The following NBPF11 variants were observed in gnomAD, a reference collection of about 807,000 sequenced individuals.
The protein encoded by NBPF11 is NBPF member 11.
In NBPF11, 72 loss-of-function variants were observed where a neutral mutation model predicts 93.9. The ratio of observed to expected loss-of-function variants is 0.77; its 90% CI spans 0.63 to 0.93. The LOEUF (loss-of-function observed/expected upper bound fraction) is 0.93. Among genes scored for constraint, NBPF11 ranks in the 40% least tolerant of loss-of-function variants. The pLI is 0.00. For missense variants in NBPF11, 705 were observed against 802.2 expected (o/e 0.88, Z 1.46); for synonymous variants, 224 against 304.9 (o/e 0.73, Z 2.76).
chr1:148,102,265 G>A lies in NBPF11; in HGVS notation c.*1631C>T, dbSNP rs1222105872. ...ACAGCAGACACTAGTAAAAACAAAGGCACAGTAAAAATTGAGACCCAAAAT... is the reference window on the plus strand; with the variant it reads ...ACAGCAGACACTAGTAAAAACAAAGACACAGTAAAAATTGAGACCCAAAAT... On this transcript the variant is annotated 3_prime_UTR_variant, in exon 24 of 24. Coordinates refer to ENST00000682118, the MANE Select transcript of NBPF11 (RefSeq NM_001385469.3). 1.3e-5 allele frequency: 2 copies of A among 151,836 alleles called. No homozygotes were observed. Among genetic ancestry groups the A allele is most frequent in the Non-Finnish European group, 2.9e-5 (2 of 68,032 alleles). 9.4% of individuals were successfully genotyped at this position (151,836 alleles called of 1,614,324 possible).
intron 17 of NBPF11, among the ~76,000 whole-genome samples, chr1:148,108,874 C>T (rs1553267988): frequency 1.3e-5 from 2 of 149,226 alleles, no homozygotes; most frequent in African/African-American, 4.9e-5. Context: ...CACACACACA[C>T]ACACACACAC....
At chr1:148,107,172 C>G (rs2149173136) in intron 19 of NBPF11, 58 bp from the exon 20 acceptor site, 2 of 569,728 alleles carry the variant, frequency 3.5e-6, no homozygotes, top group Admixed American at 3.3e-5. Context: ...CCACACAGCC[C>G]CAGCTAGATT....
In NBPF11 at chr1:148,103,449, T is replaced by A; in HGVS notation, c.*447A>T. ...TGTCCGACTGATCACTCCCGGCATG[T>A]GCTGCACAGTTATGTGAACGTGTCA... On this transcript the variant is annotated 3_prime_UTR_variant, in exon 24 of 24. Coordinates refer to ENST00000682118, the MANE Select transcript of NBPF11 (RefSeq NM_001385469.3). 1.4e-6 allele frequency: 1 copy of A among 712,674 alleles called. No homozygotes were observed. The highest frequency in any genetic ancestry group is 2.3e-6 in the Non-Finnish European group (1 of 443,954). The allele number at this position is 712,674 out of a possible 1,614,324, so 44.1% of individuals were successfully genotyped here.
chr1:148,143,929 G>A (rs200303778), intron 1 of NBPF11, among the ~76,000 whole-genome samples: 17,580 of 144,330 alleles, frequency 0.12, 985 homozygotes, highest in East Asian at 0.24. Context: ...GCATGGTGGC[G>A]CACACTTGCA....
At position 148,116,123 on chromosome 1, in the gene NBPF11, C is replaced by A. The variant is rs1329111226; in HGVS notation, c.1380-125G>T. 2.7e-5 allele frequency: 27 copies of A among 998,400 alleles called. No individual in the cohort carries two copies. In the East Asian group the frequency reaches 5.6e-4, roughly 21 times the overall value. 61.8% of individuals were successfully genotyped at this position (998,400 alleles called of 1,614,324 possible). A position where few individuals can be genotyped will look rare whatever the true frequency, so the allele number is the denominator to read the frequency against. On this transcript the variant is annotated intron_variant, in intron 13 of 23. Coordinates refer to ENST00000682118, the MANE Select transcript of NBPF11 (RefSeq NM_001385469.3). ...GGTCCCAGAAAGCAAAATGGACGTT[C>A]CCATTAAGAGGGAACATGCAATCCT...
chr1:148,132,193 C>T (rs1479481939), intron 4 of NBPF11, among the ~76,000 whole-genome samples: 16 of 143,426 alleles, frequency 1.1e-4, no homozygotes, highest in East Asian at 4.1e-4. Flanking sequence ...ATCTTCAAAA[C>T]GGTGAATATA....
At chr1:148,130,632 T>C (rs1416659016) in intron 4 of NBPF11, among the ~76,000 whole-genome samples, 2 of 150,518 alleles carry the variant, frequency 1.3e-5, no homozygotes, top group African/African-American at 2.5e-5. Context: ...ATTAAGATGA[T>C]GAAATCAACT....
chr1:148,151,054 G>A (rs1422552357), intron 1 of NBPF11, among the ~76,000 whole-genome samples: 3 of 151,784 alleles, frequency 2.0e-5, no homozygotes, highest in Admixed American at 6.6e-5. Flanking sequence ...ACCATTCCTC[G>A]CTTGGTTAAC....
chr1:148,108,315 G>A (rs61811999), intron 18 of NBPF11, among the ~76,000 whole-genome samples, 167 bp downstream of exon 18: 8,752 of 133,566 alleles, frequency 0.066, 68 homozygotes, highest in East Asian at 0.16. Flanking sequence ...CCCATCCCTT[G>A]TCTGGGCTTC....
chr1:148,115,636 G>A (rs1200300370), intron 14 of NBPF11, among the ~76,000 whole-genome samples, 157 bp downstream of exon 14: 1 of 151,750 alleles, frequency 6.6e-6, no homozygotes, highest in East Asian at 1.9e-4. Flanking sequence ...ACAAAGGCAT[G>A]ACATTAGCTG....
intron 1 of NBPF11, among the ~76,000 whole-genome samples, chr1:148,145,201 C>CTTT (rs1190949525): frequency 7.4e-4 from 56 of 75,586 alleles, no homozygotes; most frequent in South Asian, 1.0e-3. Flanking sequence ...TTTTTTCTTT[C>CTTT]TTTTTTTTTT....
At position 148,124,491 on chromosome 1, in the gene NBPF11, G is replaced by A. The variant is rs1484715008; in HGVS notation, c.278+408C>T. 5.9e-3 allele frequency among the ~76,000 whole-genome samples: 888 copies of A among 150,514 alleles called. 5 individuals are homozygous for A. Among genetic ancestry groups the A allele is most frequent in the Non-Finnish European group, 8.1e-3 (549 of 67,846 alleles). On this transcript the variant is annotated intron_variant, in intron 6 of 23. Transcript: ENST00000682118. ...GAATTGAAAAGACGAAAGAAGAAAA[G>A]AATGACAGGGTCGAGAAGGCAACAT...
intron 1 of NBPF11, chr1:148,149,660 C>A (rs1436291349): frequency 1.7e-6 from 2 of 1,183,616 alleles, no homozygotes; most frequent in Non-Finnish European, 2.3e-6. Flanking sequence ...TGGACCCCCC[C>A]GGGCGGCCCA....
intron 1 of NBPF11, chr1:148,146,684 A>G (rs1380815745): frequency 1.2e-6 from 2 of 1,611,680 alleles, no homozygotes; most frequent in Non-Finnish European, 1.7e-6. Flanking sequence ...GCCCGCGGCA[A>G]CCGTGTCTCC....
intron 2 of NBPF11, among the ~76,000 whole-genome samples, chr1:148,141,373 G>C (rs1672141194): frequency 6.6e-6 from 1 of 152,024 alleles, no homozygotes; most frequent in African/African-American, 2.4e-5. Context: ...CATACTAATA[G>C]GGGAAATTGT....
Position 148,124,134 on chromosome 1 carries a change from C to T in NBPF11, c.279-67G>A, listed in dbSNP as rs1197706834. On this transcript the variant is annotated intron_variant, in intron 6 of 23. Coordinates refer to ENST00000682118, the MANE Select transcript of NBPF11 (RefSeq NM_001385469.3). ...TGAGTGATCCGTTCAAATATTGCAA[C>T]AGAGATTTCTGAGACAATGTTCTCA... The T allele has an allele frequency of 2.6e-5, 41 of 1,586,630 alleles. 1 individual carries two copies. In the African/African-American group the frequency reaches 4.7e-4, roughly 18 times the overall value.
chr1:148,132,019 T>A (rs1670418170), intron 4 of NBPF11, among the ~76,000 whole-genome samples: 1 of 129,244 alleles, frequency 7.7e-6, no homozygotes, highest in Non-Finnish European at 1.6e-5. Flanking sequence ...CAGTGGAGCA[T>A]CTTTTCCTAT....
At chr1:148,124,241 C>T (rs1163578794) in intron 6 of NBPF11, among the ~76,000 whole-genome samples, 174 bp from the exon 7 acceptor site, 6 of 151,786 alleles carry the variant, frequency 4.0e-5, no homozygotes, top group Non-Finnish European at 4.4e-5. Flanking sequence ...GGTCTACAGG[C>T]TTTCCCTCTA....
At chr1:148,104,795 G>A (rs2149162174) in intron 22 of NBPF11, 150 bp from the exon 23 acceptor site, 1 of 553,722 alleles carries the variant, frequency 1.8e-6, no homozygotes. Flanking sequence ...CCTGAAGGCT[G>A]GTCGTGATAG....
Sources: allele counts gnomAD v4.1 joint callset (sites outside exome capture counted in the v4.1 genomes callset), GRCh38; gene constraint gnomAD v4.1.1; transcripts MANE v1.5; gene names NCBI Gene and HGNC (gene_info 2026-07-23, HGNC 2026-07-21).